The following ZC3H12B variants were observed in gnomAD, a reference collection of about 807,000 sequenced individuals.
ZC3H12B encodes probable ribonuclease ZC3H12B.
Under a neutral mutation model 43.9 loss-of-function variants are expected in ZC3H12B, and 7 were observed. The observed-to-expected ratio is 0.16, with a 90% CI of 0.09 to 0.30. ZC3H12B has a LOEUF of 0.30. ZC3H12B is among the 10% of genes least tolerant of loss of function. The pLI is 1.00. For missense variants in ZC3H12B, 475 were observed against 670.2 expected, an observed-to-expected ratio of 0.71 and a Z score of 3.22; for synonymous variants, 222 against 241.7, an observed-to-expected ratio of 0.92 and a Z score of 0.76.
upstream of ZC3H12B, among the ~76,000 whole-genome samples, chrX:65,362,235 C>G (rs926187380): frequency 4.4e-4 from 49 of 111,610 alleles, no homozygotes; most frequent in African/African-American, 1.5e-3. Context: ...TTGAGTAACT[C>G]TTACAGTGGA....
the ZC3H12B span, among the ~76,000 whole-genome samples, chrX:65,124,485 TGA>T: frequency 1.8e-5 from 2 of 110,780 alleles, no homozygotes; most frequent in South Asian, 7.6e-4. Context: ...GGCATTAGGG[TGA>T]TACTGGCTTC....
chrX:65,339,830 T>C, the ZC3H12B span, among the ~76,000 whole-genome samples: 12,036 of 111,493 alleles, frequency 0.11, 1,545 homozygotes, highest in African/African-American at 0.36. Flanking sequence ...ACCCACTTCC[T>C]CTCTACACTA....
the ZC3H12B span, among the ~76,000 whole-genome samples, chrX:65,205,088 C>T: frequency 8.9e-6 from 1 of 112,117 alleles, no homozygotes; most frequent in Non-Finnish European, 1.9e-5. Flanking sequence ...GGAATGGTAG[C>T]TTTTCACTTC....
intron 3 of ZC3H12B, among the ~76,000 whole-genome samples, chrX:65,420,943 T>C (rs1301522447): frequency 1.8e-5 from 2 of 112,440 alleles, no homozygotes; most frequent in Non-Finnish European, 3.8e-5. Flanking sequence ...TTCTTGTCAA[T>C]GAAGTCTACC....
chrX:65,334,997 C>T, the ZC3H12B span, among the ~76,000 whole-genome samples: 9 of 111,448 alleles, frequency 8.1e-5, no homozygotes, highest in African/African-American at 2.3e-4. Flanking sequence ...TTCTCTGATC[C>T]GAACGTGCAG....
At chrX:65,328,487 T>A in the ZC3H12B span, 2 of 249,698 alleles carry the variant, frequency 8.0e-6, no homozygotes, top group South Asian at 1.1e-4. Context: ...CTTTACTTTA[T>A]CTTCAACTCT....
At chrX:65,121,598 C>G in the ZC3H12B span, among the ~76,000 whole-genome samples, 1 of 111,239 alleles carries the variant, frequency 9.0e-6, no homozygotes, top group Admixed American at 9.6e-5. Flanking sequence ...TTTCAAAAAA[C>G]CAGCTCCTGG....
chrX:65,330,921 A>G, the ZC3H12B span: 1 of 271,389 alleles, frequency 3.7e-6, no homozygotes, highest in South Asian at 4.6e-5. Context: ...TTTTCACTTC[A>G]ACATGTTTCT....
chrX:65,389,145 C>T (rs776783823), intron 2 of ZC3H12B, among the ~76,000 whole-genome samples: 12 of 111,938 alleles, frequency 1.1e-4, no homozygotes, highest in Non-Finnish European at 1.9e-4. Flanking sequence ...ACTGGAGAAC[C>T]ACTATTCTCT....
chrX:65,180,797 A>T, the ZC3H12B span, among the ~76,000 whole-genome samples: 4 of 111,915 alleles, frequency 3.6e-5, no homozygotes, highest in Non-Finnish European at 7.5e-5. Context: ...ATTTAGGAAG[A>T]ATCAAGATCA....
At chrX:65,114,007 A>ATATATATATATATATATATATG in the ZC3H12B span, among the ~76,000 whole-genome samples, 2 of 58,799 alleles carry the variant, frequency 3.4e-5, no homozygotes, top group Non-Finnish European at 8.7e-5. Context: ...ATATATATAT[A>ATATATATATATATATATATATG]TATATATATA....
At chrX:65,163,808 G>T in the ZC3H12B span, among the ~76,000 whole-genome samples, 1 of 111,739 alleles carries the variant, frequency 8.9e-6, no homozygotes, top group African/African-American at 3.3e-5. Flanking sequence ...GCACTCCCTA[G>T]TGAGATGAAC....
chrX:65,400,854 A>G (rs2066754114), intron 3 of ZC3H12B, among the ~76,000 whole-genome samples: 1 of 112,058 alleles, frequency 8.9e-6, no homozygotes. Flanking sequence ...AGAATTTACC[A>G]CTATTTTGGA....
the ZC3H12B span, among the ~76,000 whole-genome samples, chrX:65,256,091 G>T: frequency 8.9e-6 from 1 of 111,913 alleles, no homozygotes; most frequent in African/African-American, 3.2e-5. Context: ...AATAGCAGGA[G>T]ACTTCAACAC....
At chrX:65,415,456 C>T (rs1403085740) in intron 3 of ZC3H12B, among the ~76,000 whole-genome samples, 1 of 112,275 alleles carries the variant, frequency 8.9e-6, no homozygotes. Context: ...TATTTCAGGG[C>T]CTGCTATCTA....
chrX:65,386,402 C>T (rs1437990922), intron 2 of ZC3H12B, among the ~76,000 whole-genome samples: 1 of 111,717 alleles, frequency 9.0e-6, no homozygotes. Flanking sequence ...GTAATTTATT[C>T]ATTTCTTCTG....
At chrX:65,400,171 TA>T (rs1274235337) in intron 3 of ZC3H12B, among the ~76,000 whole-genome samples, 1 of 111,641 alleles carries the variant, frequency 9.0e-6, no homozygotes, top group Non-Finnish European at 1.9e-5. Flanking sequence ...AAAAAATATT[TA>T]AAATAAAAAA....
the ZC3H12B span, among the ~76,000 whole-genome samples, chrX:65,234,458 G>A: frequency 9.0e-6 from 1 of 111,525 alleles, no homozygotes; most frequent in Admixed American, 9.6e-5. Context: ...GCAAGACAAG[G>A]ATCCCCACTT....
chrX:65,479,733 T>A (rs1459290927), intron 3 of ZC3H12B, among the ~76,000 whole-genome samples: 2 of 112,117 alleles, frequency 1.8e-5, no homozygotes, highest in African/African-American at 6.5e-5. Flanking sequence ...GTGGAGGGTG[T>A]CCAGGTTCTT....
Sources: allele counts gnomAD v4.1 joint callset (sites outside exome capture counted in the v4.1 genomes callset), GRCh38; gene constraint gnomAD v4.1.1; transcripts MANE v1.5; gene names NCBI Gene and HGNC (gene_info 2026-07-23, HGNC 2026-07-21).